The following TBC1D16 variants were observed in gnomAD, a reference collection of about 807,000 sequenced individuals.
TBC1D16 encodes the protein CTD-2529O21.1.
TBC1D16 carries 58 observed loss-of-function variants against 74.7 expected under a neutral mutation model. That is an observed-to-expected ratio of 0.78 (90% CI 0.63 to 0.97). The LOEUF (loss-of-function observed/expected upper bound fraction) is 0.97, where lower values mean the gene tolerates loss of function less well. Among genes scored for constraint, TBC1D16 ranks in the 50% least tolerant of loss-of-function variants. TBC1D16 has a pLI of 0.00. For synonymous variants in TBC1D16, 493 were observed against 474.7 expected (o/e 1.04, Z -0.50); for missense variants, 1,014 against 1,079.5 (o/e 0.94, Z 0.85).
intron 1 of TBC1D16, among the ~76,000 whole-genome samples, chr17:80,017,576 G>A (rs938707001): frequency 1.6e-4 from 24 of 151,306 alleles, no homozygotes; most frequent in Non-Finnish European, 1.5e-4. Flanking sequence ...AGCTACTCGG[G>A]AGGCTCAAGC....
At chr17:79,996,576 T>C (rs542108163) in intron 3 of TBC1D16, among the ~76,000 whole-genome samples, 40 of 152,240 alleles carry the variant, frequency 2.6e-4, no homozygotes, top group African/African-American at 9.1e-4. Context: ...AGTTTAGCAA[T>C]TGCTTTAAAA....
At position 79,988,907 on chromosome 17, in the gene TBC1D16, C is replaced by T. The variant is rs1158712084; in HGVS notation, c.779+21253G>A. Among the ~76,000 whole-genome samples the T allele has an allele frequency of 1.3e-5, 2 of 152,232 alleles. No individual in the cohort carries two copies. The highest frequency in any genetic ancestry group is 2.9e-5 in the Non-Finnish European group (2 of 68,044). Reference sequence around the variant, plus strand: ...ACGGTGCCACCCTCCCCAACCCGCACCTGCCCGCCGGCCCCAGGCCCTCCC... The same window carrying T: ...ACGGTGCCACCCTCCCCAACCCGCATCTGCCCGCCGGCCCCAGGCCCTCCC... On this transcript the variant is annotated intron_variant, in intron 3 of 11. Transcript: ENST00000310924. The surrounding 1 kb of genome is among the most constrained non-coding windows in gnomAD (Gnocchi z 5.7).
In TBC1D16 at chr17:79,985,862, C is replaced by T. The variant is rs931944935; in HGVS notation, c.779+24298G>A. Among the ~76,000 whole-genome samples the T allele has an allele frequency of 2.0e-5, 3 of 152,196 alleles. No homozygotes were observed. The highest frequency in any genetic ancestry group is 6.5e-5 in the Admixed American group (1 of 15,284). ...GCCCACAACAAACTGCCAATCAAGG[C>T]TGTGGAGGTCAAAGGGGACCAAATC... On this transcript the variant is annotated intron_variant, in intron 3 of 11. Coordinates refer to ENST00000310924, the MANE Select transcript of TBC1D16 (RefSeq NM_019020.4). This position sits in a 1 kb window ranked among gnomAD's most constrained non-coding sequence, Gnocchi z 4.9.
intron 3 of TBC1D16, chr17:79,953,110 T>C (rs1197712186): frequency 4.1e-6 from 1 of 246,424 alleles, no homozygotes; most frequent in Non-Finnish European, 7.7e-6. Flanking sequence ...CTGACTGGGG[T>C]TCCTCGCTGT....
At chr17:79,973,068 C>T (rs758769355) in intron 3 of TBC1D16, among the ~76,000 whole-genome samples, 21 of 152,120 alleles carry the variant, frequency 1.4e-4, no homozygotes, top group Non-Finnish European at 1.3e-4. Flanking sequence ...GGCAACAGAG[C>T]GAGACTTCGT....
At chr17:80,029,386 G>C (rs1459371345) in intron 1 of TBC1D16, among the ~76,000 whole-genome samples, 1 of 152,150 alleles carries the variant, frequency 6.6e-6, no homozygotes, top group Non-Finnish European at 1.5e-5. Flanking sequence ...GCTGACACAG[G>C]GCGCAGCTGT....
intron 9 of TBC1D16, among the ~76,000 whole-genome samples, chr17:79,945,323 G>A (rs2032431821): frequency 6.6e-6 from 1 of 152,188 alleles, no homozygotes; most frequent in Admixed American, 6.5e-5. Flanking sequence ...GCTGTGGTGT[G>A]GTCCAGGGTG....
chr17:80,005,896 G>GC (rs2035654892), intron 3 of TBC1D16, among the ~76,000 whole-genome samples: 1 of 152,096 alleles, frequency 6.6e-6, no homozygotes, highest in Non-Finnish European at 1.5e-5. Context: ...GGGACCCTAG[G>GC]CCCCCGGGGT....
chr17:80,033,194 T>C (rs2036833198), intron 1 of TBC1D16, among the ~76,000 whole-genome samples: 1 of 152,200 alleles, frequency 6.6e-6, no homozygotes, highest in Admixed American at 6.5e-5. Context: ...CCATTTGACA[T>C]TACTTACCAC....
intron 3 of TBC1D16, among the ~76,000 whole-genome samples, chr17:79,982,071 C>T (rs2034607151): frequency 6.6e-6 from 1 of 152,196 alleles, no homozygotes; most frequent in Non-Finnish European, 1.5e-5. Context: ...AGGGCCGCTT[C>T]CACGTTTTCT....
rs575905521 is a variant in TBC1D16 at position 79,981,722 on chromosome 17, C to A, written c.779+28438G>T. On this transcript the variant is annotated intron_variant, in intron 3 of 11. Coordinates refer to ENST00000310924, the MANE Select transcript of TBC1D16 (RefSeq NM_019020.4). The surrounding 1 kb of genome is among the most constrained non-coding windows in gnomAD (Gnocchi z 6.9). ...GGCAAGGGACGCGCCACCCTCGGAG[C>A]GGCTCCCTCGGCTCTTCTGTAATCT... Among the ~76,000 whole-genome samples the A allele has an allele frequency of 1.3e-5, 2 of 152,224 alleles. No individual in the cohort carries two copies. The highest frequency in any genetic ancestry group is 4.8e-5 in the African/African-American group (2 of 41,464).
In TBC1D16 at chr17:80,035,069, C is replaced by G. The variant is rs2036917376; in HGVS notation, c.-63+726G>C. ...TTCTATTCATTTCCTATTTCTGAAT[C>G]AAATCTGAACTACTTTGTGGCCAAT... On this transcript the variant is annotated intron_variant, in intron 1 of 11. Transcript: ENST00000310924. The surrounding 1 kb of genome is among the most constrained non-coding windows in gnomAD (Gnocchi z 5.3). 6.6e-6 allele frequency among the ~76,000 whole-genome samples: 1 copy of G among 152,184 alleles called. No homozygotes were observed. The highest frequency in any genetic ancestry group is 2.4e-5 in the African/African-American group (1 of 41,450).
At position 79,983,869 on chromosome 17, in the gene TBC1D16, A is replaced by T. The variant is rs1239370396; in HGVS notation, c.779+26291T>A. On this transcript the variant is annotated intron_variant, in intron 3 of 11. Transcript: ENST00000310924. This position sits in a 1 kb window ranked among gnomAD's most constrained non-coding sequence, Gnocchi z 5.6. ...ATCAAATATGACAAAATTTAAAAAAAATTTAAATTTATTTAGAGACAGGGT... is the reference window on the plus strand; with the variant it reads ...ATCAAATATGACAAAATTTAAAAAATATTTAAATTTATTTAGAGACAGGGT... Among the ~76,000 whole-genome samples, 2 of 152,140 alleles carry T rather than the reference A, an allele frequency of 1.3e-5. No homozygotes were observed. Among genetic ancestry groups the T allele is most frequent in the Non-Finnish European group, 2.9e-5 (2 of 68,026 alleles).
At chr17:80,033,339 TTTTTGTTGTTG>T (rs1313195926) in intron 1 of TBC1D16, among the ~76,000 whole-genome samples, 3 of 150,294 alleles carry the variant, frequency 2.0e-5, no homozygotes, top group Admixed American at 6.6e-5. Flanking sequence ...GGAGTTGGGG[TTTTTGTTGTTG>T]TTTTGTTGTT....
Position 80,013,550 on chromosome 17 carries a change from C to A in TBC1D16, c.-3G>T. The A allele has an allele frequency of 6.7e-7, 1 of 1,498,798 alleles. No homozygotes were observed. Among genetic ancestry groups the A allele is most frequent in the Non-Finnish European group, 8.9e-7 (1 of 1,122,118 alleles). The allele number at this position is 1,498,798 out of a possible 1,614,324, so 92.8% of individuals were successfully genotyped here. On this transcript the variant is annotated 5_prime_UTR_variant, in exon 2 of 12. Transcript: ENST00000310924. ...CGAAGGAGGCGGCCCAGAGACATTGCCGGGCAAGTGTTTCCATCCTCCGCA... is the reference window on the plus strand; with the variant it reads ...CGAAGGAGGCGGCCCAGAGACATTGACGGGCAAGTGTTTCCATCCTCCGCA...
chr17:80,015,906 G>A (rs191320236), intron 1 of TBC1D16, among the ~76,000 whole-genome samples: 5 of 151,850 alleles, frequency 3.3e-5, no homozygotes, highest in African/African-American at 1.2e-4. Context: ...AGCTACATGG[G>A]AGGCTGAAGC....
chr17:80,013,553 G>C lies in TBC1D16; in HGVS notation c.-6C>G. On this transcript the variant is annotated 5_prime_UTR_variant, in exon 2 of 12. Coordinates refer to ENST00000310924, the MANE Select transcript of TBC1D16 (RefSeq NM_019020.4). ...AGGAGGCGGCCCAGAGACATTGCCG[G>C]GCAAGTGTTTCCATCCTCCGCATGC... 1 of 1,494,062 alleles carries C rather than the reference G, an allele frequency of 6.7e-7. No individual in the cohort carries two copies. Among genetic ancestry groups the C allele is most frequent in the Non-Finnish European group, 8.9e-7 (1 of 1,119,768 alleles). The allele number at this position is 1,494,062 out of a possible 1,614,324, so 92.6% of individuals were successfully genotyped here.
intron 3 of TBC1D16, chr17:79,953,139 C>T (rs2033163412): frequency 4.5e-6 from 1 of 222,658 alleles, no homozygotes; most frequent in Non-Finnish European, 8.8e-6. Flanking sequence ...GGCCAAGCCA[C>T]CAAGCCTCTC....
chr17:80,033,208 C>G (rs1229029460), intron 1 of TBC1D16, among the ~76,000 whole-genome samples: 1 of 152,132 alleles, frequency 6.6e-6, no homozygotes, highest in Non-Finnish European at 1.5e-5. Context: ...TTACCACATC[C>G]TAAATGGTAA....
Sources: allele counts gnomAD v4.1 joint callset (sites outside exome capture counted in the v4.1 genomes callset), GRCh38; gene constraint gnomAD v4.1.1; non-coding constraint Gnocchi (gnomAD v3.1); transcripts MANE v1.5; gene names NCBI Gene and HGNC (gene_info 2026-07-23, HGNC 2026-07-21).